Variants in LAMB3 observed in about 807,000 individuals in gnomAD.
The protein encoded by LAMB3 is laminin subunit beta 3.
A neutral mutation model predicts 140.3 loss-of-function variants in LAMB3; 104 were observed. That is an observed-to-expected ratio of 0.74 (90% CI 0.63 to 0.87). The LOEUF (loss-of-function observed/expected upper bound fraction) is 0.87. Ranked by LOEUF, LAMB3 falls within the 40% of genes least tolerant of loss-of-function variation. LAMB3 has a pLI of 0.00. For synonymous variants in LAMB3, 592 were observed against 602.9 expected, an observed-to-expected ratio of 0.98 and a Z score of 0.26; for missense variants, 1,531 against 1,575.2, an observed-to-expected ratio of 0.97 and a Z score of 0.47.
chr1:209,651,012 C>G (rs1164627730), intron 1 of LAMB3, 31 bp from the exon 2 acceptor site: 2 of 1,384,996 alleles, frequency 1.4e-6, no homozygotes, highest in African/African-American at 2.8e-5. Context: ...CTGGGTACAA[C>G]AGTGCAAACC....
chr1:209,646,580 C>G (rs974191728), intron 3 of LAMB3, among the ~76,000 whole-genome samples: 1 of 152,180 alleles, frequency 6.6e-6, no homozygotes, highest in Non-Finnish European at 1.5e-5. Flanking sequence ...AGATTGGCAC[C>G]GATCACCTTG....
intron 14 of LAMB3, 50 bp from the exon 15 acceptor site, chr1:209,624,050 C>T: frequency 6.4e-7 from 1 of 1,560,080 alleles, no homozygotes; most frequent in South Asian, 1.1e-5. Flanking sequence ...AGTTTTGCCT[C>T]CCCAAAGCAG....
intron 6 of LAMB3, among the ~76,000 whole-genome samples, chr1:209,633,769 C>A (rs910172754): frequency 3.3e-5 from 5 of 152,216 alleles, no homozygotes; most frequent in African/African-American, 1.2e-4. Flanking sequence ...CATCGGTCCA[C>A]ATGAGAGCAG....
At chr1:209,644,423 T>C (rs1184958247) in intron 3 of LAMB3, among the ~76,000 whole-genome samples, 2 of 152,156 alleles carry the variant, frequency 1.3e-5, no homozygotes, top group Non-Finnish European at 2.9e-5. Flanking sequence ...ATTATCTTAT[T>C]CCATCCTTCA....
chr1:209,645,807 A>G (rs1260390888), intron 3 of LAMB3, among the ~76,000 whole-genome samples: 1 of 152,136 alleles, frequency 6.6e-6, no homozygotes, highest in Non-Finnish European at 1.5e-5. Context: ...TAGTACATAT[A>G]TGAACACATC....
intron 4 of LAMB3, 143 bp downstream of exon 4, chr1:209,638,391 C>T (rs1666960779): frequency 1.4e-6 from 1 of 702,870 alleles, no homozygotes; most frequent in South Asian, 1.5e-5. Flanking sequence ...AAATATGAGG[C>T]AGAAAGATTC....
intron 14 of LAMB3, among the ~76,000 whole-genome samples, chr1:209,624,918 GGAA>G (rs1666366905): frequency 6.8e-6 from 1 of 147,662 alleles, no homozygotes; most frequent in Non-Finnish European, 1.5e-5. Flanking sequence ...AAGGAAGGAA[GGAA>G]GGAAGGAAGG....
rs2076429866 is a variant in LAMB3 at position 209,638,705 on chromosome 1, T to C, written c.184-57A>G. ...GGTGGGGTCCTGATAGAATTCCCCCTTGCGTCCTGAGATCCCAGCATATCT... is the reference window on the plus strand; with the variant it reads ...GGTGGGGTCCTGATAGAATTCCCCCCTGCGTCCTGAGATCCCAGCATATCT... On this transcript the variant is annotated intron_variant, in intron 3 of 22. Transcript: ENST00000356082. The C allele has an allele frequency of 7.8e-6, 9 of 1,156,616 alleles. No individual in the cohort carries two copies. The Admixed American group carries it at 1.6e-4, about 20-fold the overall frequency. The allele number at this position is 1,156,616 out of a possible 1,614,324, so 71.6% of individuals were successfully genotyped here. A position where few individuals can be genotyped will look rare whatever the true frequency, so the allele number is the denominator to read the frequency against.
intron 22 of LAMB3, 28 bp downstream of exon 22, chr1:209,616,443 A>G: frequency 6.2e-7 from 1 of 1,613,578 alleles, no homozygotes; most frequent in Non-Finnish European, 8.5e-7. Context: ...AATGCCCAAT[A>G]GTCCATGCCC....
chr1:209,622,816 T>C, intron 17 of LAMB3, 136 bp from the exon 18 acceptor site: 6 of 1,367,026 alleles, frequency 4.4e-6, no homozygotes, highest in Non-Finnish European at 5.2e-6. Flanking sequence ...TACATGTGGA[T>C]GTTCAGTAAA....
chr1:209,648,021 G>A (rs1383298112), intron 3 of LAMB3, among the ~76,000 whole-genome samples: 2 of 152,208 alleles, frequency 1.3e-5, no homozygotes, highest in African/African-American at 4.8e-5. Context: ...GCAGCCACCA[G>A]AGCACCCAGA....
intron 5 of LAMB3, among the ~76,000 whole-genome samples, chr1:209,637,523 T>C (rs1666931062): frequency 6.6e-6 from 1 of 151,960 alleles, no homozygotes; most frequent in African/African-American, 2.4e-5. Flanking sequence ...ATCCATCAGT[T>C]AGTTGGATAG....
intron 6 of LAMB3, among the ~76,000 whole-genome samples, chr1:209,633,847 G>A (rs1469423548): frequency 1.3e-5 from 2 of 152,156 alleles, no homozygotes; most frequent in Non-Finnish European, 2.9e-5. Flanking sequence ...TCTGCCAGGG[G>A]ATGGGGAAAC....
chr1:209,630,996 G>A (rs927030413), intron 8 of LAMB3, among the ~76,000 whole-genome samples: 6 of 152,184 alleles, frequency 3.9e-5, no homozygotes, highest in African/African-American at 7.2e-5. Context: ...TTGCAAGCTC[G>A]CTGCTTGCAC....
In LAMB3 at chr1:209,650,063, T is replaced by C. The variant is rs1283086451; in HGVS notation, c.84A>G (p.Pro28=). 6.2e-7 allele frequency: 1 copy of C among 1,613,544 alleles called. No individual in the cohort carries two copies. Among genetic ancestry groups the C allele is most frequent in the African/African-American group, 1.3e-5 (1 of 74,700 alleles). Residue 28 remains proline (P), a synonymous_variant, in exon 3 of 23, where the codon CCA becomes CCG. Coordinates refer to ENST00000356082, the MANE Select transcript of LAMB3 (RefSeq NM_000228.3). ...TCCCAACAAGCAGGTCCCCAACAGG[T>C]GGATAGCAGGCCCCACGGGAGCAGG... ...QQACSRGACY[P]PVGDLLVGRT...
chr1:209,646,152 A>AAC (rs1294615652), intron 3 of LAMB3, among the ~76,000 whole-genome samples: 1 of 152,212 alleles, frequency 6.6e-6, no homozygotes, highest in African/African-American at 2.4e-5. Flanking sequence ...GAGCAGACAC[A>AAC]ACACTGGAGG....
intron 22 of LAMB3, 127 bp from the exon 23 acceptor site, chr1:209,615,534 G>T (rs1665926214): frequency 8.7e-7 from 1 of 1,146,484 alleles, no homozygotes; most frequent in African/African-American, 1.6e-5. Context: ...AGAAAAATCT[G>T]GCCTCTAAAG....
chr1:209,624,139 G>A, intron 14 of LAMB3, 139 bp from the exon 15 acceptor site: 2 of 705,910 alleles, frequency 2.8e-6, no homozygotes, highest in East Asian at 2.7e-5. Context: ...AGAATCCACA[G>A]GCTAAGGGGG....
Position 209,623,580 on chromosome 1 carries a change from GCCT to G in LAMB3, c.2280_2282del (p.Gly761del), listed in dbSNP as rs752460751. On this transcript the variant is annotated inframe_deletion, in exon 16 of 23. Transcript: ENST00000356082. This position sits in a 1 kb window ranked among gnomAD's most constrained non-coding sequence, Gnocchi z 4.2. The stretch of plus-strand genomic sequence containing the variant: ...GGGCCACAAGCTTGGGGCTGCCGGT[GCCT>G]CCTCCTCCTCCCGCCTGCCGCACCA... 1 of 1,614,072 alleles carries G rather than the reference GCCT, an allele frequency of 6.2e-7. No homozygotes were observed. Among genetic ancestry groups the G allele is most frequent in the East Asian group, 2.2e-5 (1 of 44,872 alleles).
Sources: allele counts gnomAD v4.1 joint callset (sites outside exome capture counted in the v4.1 genomes callset), GRCh38; gene constraint gnomAD v4.1.1; non-coding constraint Gnocchi (gnomAD v3.1); transcripts MANE v1.5; gene names NCBI Gene and HGNC (gene_info 2026-07-23, HGNC 2026-07-21).